Variants in HHLA2 observed in about 807,000 individuals in gnomAD.
HHLA2 encodes HHLA2 member of B7 family.
HHLA2 carries 48 observed loss-of-function variants against 45.9 expected under a neutral mutation model. The observed-to-expected ratio is 1.05, with a 90% CI of 0.83 to 1.33. The LOEUF is 1.33. HHLA2 is among the 40% of genes most tolerant of loss of function. The pLI, the probability that HHLA2 is intolerant of heterozygous loss-of-function variation, is 0.00. For missense variants in HHLA2, 462 were observed against 494.3 expected, an observed-to-expected ratio of 0.93 and a Z score of 0.62; for synonymous variants, 161 against 173.9, an observed-to-expected ratio of 0.93 and a Z score of 0.59.
intron 2 of HHLA2, chr3:108,311,943 G>A (rs1445932477): frequency 6.6e-6 from 1 of 152,178 alleles, no homozygotes; most frequent in African/African-American, 2.4e-5. Flanking sequence ...TCCTCACTCT[G>A]CTATGTGCCA....
At chr3:108,315,249 C>T (rs1235618964) in intron 2 of HHLA2, among the ~76,000 whole-genome samples, 1 of 152,186 alleles carries the variant, frequency 6.6e-6, no homozygotes, top group African/African-American at 2.4e-5. Flanking sequence ...GCTGTGCATG[C>T]TGATTGAGAC....
At chr3:108,329,913 G>A (rs1241357793) in intron 3 of HHLA2, among the ~76,000 whole-genome samples, 1 of 152,202 alleles carries the variant, frequency 6.6e-6, no homozygotes, top group African/African-American at 2.4e-5. Context: ...ACAGGAATCT[G>A]GGAGCAGCTT....
At chr3:108,349,954 C>T (rs375645869) in intron 3 of HHLA2, among the ~76,000 whole-genome samples, 2 of 151,882 alleles carry the variant, frequency 1.3e-5, no homozygotes, top group South Asian at 2.1e-4. Context: ...TTCAGGGTTA[C>T]GTTAAACAAG....
intron 8 of HHLA2, among the ~76,000 whole-genome samples, chr3:108,364,608 C>A (rs1053441635): frequency 1.3e-5 from 2 of 152,188 alleles, no homozygotes; most frequent in Non-Finnish European, 2.9e-5. Context: ...ACTCTCCCAC[C>A]AACAGTGTAA....
chr3:108,370,835 C>T (rs2082156941), intron 8 of HHLA2, among the ~76,000 whole-genome samples: 1 of 152,166 alleles, frequency 6.6e-6, no homozygotes, highest in Non-Finnish European at 1.5e-5. Context: ...TGTGAAAAGA[C>T]TAAATCTACG....
chr3:108,331,354 C>T (rs1298230866), intron 3 of HHLA2, among the ~76,000 whole-genome samples: 2 of 152,064 alleles, frequency 1.3e-5, no homozygotes, highest in African/African-American at 4.8e-5. Flanking sequence ...ATTTGTTTGC[C>T]TCTCACTGAG....
At chr3:108,299,928 A>G (rs967008649) in intron 1 of HHLA2, among the ~76,000 whole-genome samples, 5 of 152,184 alleles carry the variant, frequency 3.3e-5, no homozygotes, top group East Asian at 1.9e-4. Flanking sequence ...TTGGATGACG[A>G]GAGTCCCAGC....
In HHLA2 at chr3:108,327,756, A is replaced by G. The variant is rs1444193105; in HGVS notation, c.-104-514A>G. On this transcript the variant is annotated intron_variant, in intron 2 of 10. Transcript: ENST00000619531. ...AAAACTAACATCTGAAGTGCATGCG[A>G]GTTTTATTTTCAGTTATCTGTTTGA... Among the ~76,000 whole-genome samples the G allele has an allele frequency of 4.6e-5, 7 of 152,234 alleles. No homozygotes were observed. The South Asian group carries it at 1.0e-3, about 23-fold the overall frequency.
At chr3:108,374,676 A>T (rs2107518730) in intron 8 of HHLA2, among the ~76,000 whole-genome samples, 1 of 150,604 alleles carries the variant, frequency 6.6e-6, no homozygotes, top group African/African-American at 2.4e-5. Context: ...AAAGGATATG[A>T]ACAGACACTT....
chr3:108,373,280 G>A (rs1038040983), intron 8 of HHLA2, among the ~76,000 whole-genome samples: 30 of 151,876 alleles, frequency 2.0e-4, no homozygotes, highest in Admixed American at 1.8e-3. Flanking sequence ...ATTCAACAAC[G>A]CCTTCATGCT....
intron 8 of HHLA2, among the ~76,000 whole-genome samples, chr3:108,366,088 C>T (rs1414446822): frequency 6.6e-6 from 1 of 152,138 alleles, no homozygotes; most frequent in African/African-American, 2.4e-5. Flanking sequence ...CAGCTTTTGC[C>T]CATTCAGTAT....
At chr3:108,331,366 T>A (rs1361899400) in intron 3 of HHLA2, among the ~76,000 whole-genome samples, 1 of 152,090 alleles carries the variant, frequency 6.6e-6, no homozygotes, top group African/African-American at 2.4e-5. Context: ...CTCACTGAGG[T>A]TCATCCATTG....
intron 8 of HHLA2, 123 bp from the exon 8 acceptor site, chr3:108,375,627 A>T: frequency 8.1e-7 from 1 of 1,238,304 alleles, no homozygotes; most frequent in Non-Finnish European, 1.1e-6. Context: ...CACACGAAAA[A>T]CCCTTCAAAG....
intron 3 of HHLA2, among the ~76,000 whole-genome samples, chr3:108,335,055 G>A (rs773094102): frequency 6.6e-6 from 1 of 152,172 alleles, no homozygotes; most frequent in Non-Finnish European, 1.5e-5. Flanking sequence ...TGCAATAAAA[G>A]TTTCTAGATC....
intron 3 of HHLA2, among the ~76,000 whole-genome samples, chr3:108,329,206 G>C (rs1316980090): frequency 6.6e-6 from 1 of 152,086 alleles, no homozygotes; most frequent in East Asian, 1.9e-4. Flanking sequence ...AGCTTTCTTA[G>C]AAGTACAAGT....
At chr3:108,364,857 T>C (rs2082038063) in intron 8 of HHLA2, among the ~76,000 whole-genome samples, 1 of 152,238 alleles carries the variant, frequency 6.6e-6, no homozygotes, top group East Asian at 1.9e-4. Context: ...ATTTTTTTCT[T>C]GTAAATTTGT....
chr3:108,359,538 T>C (rs2081953980), intron 7 of HHLA2, among the ~76,000 whole-genome samples: 2 of 152,184 alleles, frequency 1.3e-5, no homozygotes, highest in African/African-American at 4.8e-5. Flanking sequence ...ATTCCTCGAA[T>C]CTAGATCTGC....
At chr3:108,335,002 G>C (rs2081447090) in intron 3 of HHLA2, among the ~76,000 whole-genome samples, 1 of 152,216 alleles carries the variant, frequency 6.6e-6, no homozygotes, top group Admixed American at 6.5e-5. Context: ...GACTAAGGCA[G>C]ATCTGAATAC....
chr3:108,362,571 A>G, intron 8 of HHLA2, 125 bp downstream of exon 7: 1 of 678,974 alleles, frequency 1.5e-6, no homozygotes. Context: ...AATGTCATTC[A>G]CAAAATTCAC....
Sources: gnomAD v4.1 joint callset for allele counts (sites outside exome capture counted in the v4.1 genomes callset) on GRCh38, gnomAD v4.1.1 for gene constraint, MANE v1.5 for transcripts, NCBI Gene and HGNC (gene_info 2026-07-23, HGNC 2026-07-21) for gene names.